The following PKD1L3 variants were observed in gnomAD, a reference collection of about 807,000 sequenced individuals.
PKD1L3 encodes the protein polycystin 1 like 3, transient receptor potential channel interacting.
A neutral mutation model predicts 184.1 loss-of-function variants in PKD1L3; 239 were observed. The ratio of observed to expected loss-of-function variants is 1.30; its 90% CI spans 1.17 to 1.45. The LOEUF is 1.45. PKD1L3 is among the 40% of genes most tolerant of loss of function. PKD1L3 has a pLI of 0.00. For synonymous variants in PKD1L3, 996 were observed against 778.8 expected, an observed-to-expected ratio of 1.28 and a Z score of -4.64; for missense variants, 2,660 against 2,067.2, an observed-to-expected ratio of 1.29 and a Z score of -5.56.
At chr16:71,996,448 AC>A (rs570956524) in intron 2 of PKD1L3, among the ~76,000 whole-genome samples, 2,502 of 151,766 alleles carry the variant, frequency 0.016, 61 homozygotes, top group African/African-American at 0.057. Flanking sequence ...TTTAGTAGAG[AC>A]TGGGGTTTCA....
intron 12 of PKD1L3, among the ~76,000 whole-genome samples, chr16:71,970,844 A>T (rs1044385390): frequency 5.3e-5 from 8 of 152,170 alleles, no homozygotes; most frequent in South Asian, 2.1e-4. Flanking sequence ...TAAAAATTTT[A>T]AAAAATGGAT....
Position 71,942,915 on chromosome 16 carries a change from C to T in PKD1L3, c.3969G>A (p.Ser1323=), listed in dbSNP as rs142172665. 247 of 1,551,404 alleles carry T rather than the reference C, an allele frequency of 1.6e-4. 2 individuals are homozygous for T. The African/African-American group carries it at 2.5e-3, about 16-fold the overall frequency. ...AIWKTFSHQF[S]EIKLLQDFYP... ...AGAAATCCTGAAGAAGTTTGATTTC[C>T]GAGAACTGGTGCGAAAATGTCTTCC... The change falls in exon 24 of 30, where the codon TCG becomes TCA. Residue 1323 remains serine (S), a synonymous_variant. Transcript: ENST00000620267.
In PKD1L3 at chr16:71,949,674, GTTGT is replaced by G. The variant is rs753531711; in HGVS notation, c.3618+105_3618+108del. On this transcript the variant is annotated intron_variant, in intron 21 of 29. Coordinates refer to ENST00000620267, the MANE Select transcript of PKD1L3 (RefSeq NM_181536.2). ...AGCCTGGTTTGCCTATTTGTTTTTT[GTTGT>G]TTATGTTACATTGTCAAAACCACTA... 340 of 1,039,480 alleles carry G rather than the reference GTTGT, an allele frequency of 3.3e-4. 1 individual carries two copies. The highest frequency in any genetic ancestry group is 4.1e-4 in the Non-Finnish European group (296 of 722,152). The allele number at this position is 1,039,480 out of a possible 1,614,324, so 64.4% of individuals were successfully genotyped here.
chr16:71,983,730 G>A (rs2040253598), intron 6 of PKD1L3, among the ~76,000 whole-genome samples: 1 of 142,666 alleles, frequency 7.0e-6, no homozygotes, highest in Non-Finnish European at 1.5e-5. Context: ...GGAGTGGCGG[G>A]ATCTTGGCTC....
intron 24 of PKD1L3, among the ~76,000 whole-genome samples, chr16:71,938,753 A>G (rs1296050731): frequency 6.6e-6 from 1 of 152,208 alleles, no homozygotes; most frequent in African/African-American, 2.4e-5. Context: ...AAACAATGGG[A>G]CGACCTGCCT....
chr16:71,977,568 T>G, intron 10 of PKD1L3, 101 bp from the exon 11 acceptor site: 1 of 945,736 alleles, frequency 1.1e-6, no homozygotes. Flanking sequence ...CTCTTTTTTT[T>G]TTTTTTTTTT....
At chr16:71,977,764 C>G (rs547392222) in intron 10 of PKD1L3, among the ~76,000 whole-genome samples, 1 of 151,370 alleles carries the variant, frequency 6.6e-6, no homozygotes, top group African/African-American at 2.4e-5. Flanking sequence ...AGTCCCAGAC[C>G]TATAACACTT....
rs532380433 is a variant in PKD1L3 at position 71,935,371 on chromosome 16, C to G, written c.4600G>C (p.Asp1534His). The G allele has an allele frequency of 4.5e-6, 7 of 1,551,500 alleles. No homozygotes were observed. The highest frequency in any genetic ancestry group is 1.4e-5 in the African/African-American group (1 of 73,144). Residue 1534 changes from aspartate to histidine, a missense_variant, in exon 26 of 30, where the codon GAT becomes CAT. Physicochemically the swap from Asp to His is moderately conservative, Grantham distance 81. Coordinates refer to ENST00000620267, the MANE Select transcript of PKD1L3 (RefSeq NM_181536.2). ...GCTTCCTCTCACCTGTCCTGGTCATCGCGGTATCGTGCCATGTTTTTCTTA... is the reference window on the plus strand; with the variant it reads ...GCTTCCTCTCACCTGTCCTGGTCATGGCGGTATCGTGCCATGTTTTTCTTA... ...LHKKNMARYR[D>H]DQDRFISFYE...
At chr16:71,944,543 CAT>C (rs2038486202) in intron 22 of PKD1L3, among the ~76,000 whole-genome samples, 1 of 152,004 alleles carries the variant, frequency 6.6e-6, no homozygotes, top group South Asian at 2.1e-4. Context: ...ATTAGCCAGG[CAT>C]AGTGGCTCAT....
At chr16:71,990,361 G>A (rs1351353520) in intron 3 of PKD1L3, 32 bp from the exon 4 acceptor site, 7 of 1,502,672 alleles carry the variant, frequency 4.7e-6, no homozygotes, top group East Asian at 5.0e-5. Flanking sequence ...CTAAGTTCAA[G>A]TAAAAGCCTA....
intron 25 of PKD1L3, 124 bp from the exon 26 acceptor site, chr16:71,935,642 C>T: frequency 1.2e-6 from 1 of 866,832 alleles, no homozygotes; most frequent in South Asian, 1.9e-5. Context: ...TTTATCAGAT[C>T]TCACTTGGAC....
At chr16:71,999,628 C>G in intron 1 of PKD1L3, 56 bp downstream of exon 1, 1 of 1,342,754 alleles carries the variant, frequency 7.4e-7, no homozygotes, top group Non-Finnish European at 9.7e-7. Flanking sequence ...TTTTTTCTGT[C>G]CCAGAATAAA....
intron 11 of PKD1L3, among the ~76,000 whole-genome samples, chr16:71,975,935 A>AGG (rs1489457119): frequency 6.7e-6 from 1 of 148,290 alleles, no homozygotes; most frequent in African/African-American, 2.5e-5. Flanking sequence ...ACTGGATGAG[A>AGG]GGTATACAAG....
intron 4 of PKD1L3, among the ~76,000 whole-genome samples, chr16:71,988,963 C>A (rs1169610567): frequency 2.0e-5 from 3 of 152,176 alleles, no homozygotes; most frequent in Non-Finnish European, 4.4e-5. Context: ...TTGCATATTT[C>A]ACAAGAGAAT....
intron 27 of PKD1L3, 75 bp downstream of exon 27, chr16:71,933,840 C>G (rs1419460508): frequency 6.7e-7 from 1 of 1,484,980 alleles, no homozygotes; most frequent in African/African-American, 1.4e-5. Context: ...TGTGTTGTGA[C>G]CATTTCTATG....
intron 4 of PKD1L3, among the ~76,000 whole-genome samples, chr16:71,989,588 A>G (rs1175275842): frequency 2.6e-5 from 4 of 152,218 alleles, no homozygotes; most frequent in African/African-American, 4.8e-5. Context: ...AGATTTCTTG[A>G]AGGTGAAATT....
intron 12 of PKD1L3, among the ~76,000 whole-genome samples, chr16:71,971,353 A>G (rs2039702336): frequency 6.6e-6 from 1 of 152,194 alleles, no homozygotes; most frequent in East Asian, 1.9e-4. Flanking sequence ...AGGTGATTAC[A>G]TGGAAGCTAC....
At chr16:71,932,453 T>A (rs1038603126) in intron 28 of PKD1L3, among the ~76,000 whole-genome samples, 3 of 151,988 alleles carry the variant, frequency 2.0e-5, no homozygotes, top group African/African-American at 7.3e-5. Flanking sequence ...AACTGTACCT[T>A]CCTAATTCTT....
In PKD1L3 at chr16:71,933,336, T is replaced by C. The variant is rs2038054896; in HGVS notation, c.4926+84A>G. 5 of 964,622 alleles carry C rather than the reference T, an allele frequency of 5.2e-6. No homozygotes were observed. The Admixed American group carries it at 1.0e-4, about 19-fold the overall frequency. The allele number at this position is 964,622 out of a possible 1,614,324, so 59.8% of individuals were successfully genotyped here. A position where few individuals can be genotyped will look rare whatever the true frequency, so the allele number is the denominator to read the frequency against. ...CCCTTTTCCAGTGTGCAGTGTACAG[T>C]AGGGGGCTGTTTTCATAAGGACCCC... is the stretch of plus-strand genomic sequence containing the variant. On this transcript the variant is annotated intron_variant, in intron 28 of 29. Coordinates refer to ENST00000620267, the MANE Select transcript of PKD1L3 (RefSeq NM_181536.2).
Sources: gnomAD v4.1 joint callset for allele counts (sites outside exome capture counted in the v4.1 genomes callset) on GRCh38, gnomAD v4.1.1 for gene constraint, MANE v1.5 for transcripts, NCBI Gene and HGNC (gene_info 2026-07-23, HGNC 2026-07-21) for gene names.